MRRF: variants seen among roughly 807,000 people sequenced by gnomAD.
MRRF encodes ribosome-recycling factor, mitochondrial.
A neutral mutation model predicts 25.1 loss-of-function variants in MRRF; 18 were observed. The ratio of observed to expected loss-of-function variants is 0.72; its 90% CI spans 0.50 to 1.06. The LOEUF (loss-of-function observed/expected upper bound fraction) is 1.06, where lower values mean the gene tolerates loss of function less well. MRRF is among the 50% of genes least tolerant of loss of function. The pLI, the probability that MRRF is intolerant of heterozygous loss-of-function variation, is 0.00. For synonymous variants in MRRF, 113 were observed against 112.1 expected (o/e 1.01, Z -0.05); for missense variants, 323 against 319.3 (o/e 1.01, Z -0.09).
At chr9:122,307,005 A>G (rs935466337) in intron 5 of MRRF, among the ~76,000 whole-genome samples, 14 of 152,194 alleles carry the variant, frequency 9.2e-5, no homozygotes, top group African/African-American at 2.4e-4. Context: ...CTAAAGGGAC[A>G]CCTACAGAAG....
At chr9:122,287,301 A>G (rs919704936) in intron 4 of MRRF, among the ~76,000 whole-genome samples, 3 of 152,246 alleles carry the variant, frequency 2.0e-5, no homozygotes, top group African/African-American at 7.2e-5. Context: ...TGCCTGGCAC[A>G]TGGCACCATT....
intron 2 of MRRF, among the ~76,000 whole-genome samples, chr9:122,278,941 C>T (rs967996451): frequency 6.6e-6 from 1 of 151,796 alleles, no homozygotes; most frequent in East Asian, 1.9e-4. Context: ...GCACTGATCT[C>T]GGCTCACTGC....
At chr9:122,284,768 A>G (rs143050655) in intron 3 of MRRF, among the ~76,000 whole-genome samples, 1 of 152,108 alleles carries the variant, frequency 6.6e-6, no homozygotes, top group Non-Finnish European at 1.5e-5. Context: ...AAGAATCCCT[A>G]AATGTTTGTT....
chr9:122,283,213 C>T (rs543508601), intron 3 of MRRF, among the ~76,000 whole-genome samples: 1 of 151,944 alleles, frequency 6.6e-6, no homozygotes, highest in South Asian at 2.1e-4. Flanking sequence ...CCTGCCTCAG[C>T]CTCCCAACTA....
At chr9:122,311,686 AT>A (rs933069541) in intron 5 of MRRF, among the ~76,000 whole-genome samples, 1 of 151,956 alleles carries the variant, frequency 6.6e-6, no homozygotes, top group Non-Finnish European at 1.5e-5. Context: ...TGATCAGATA[AT>A]TTTTTTTCTT....
intron 2 of MRRF, among the ~76,000 whole-genome samples, chr9:122,279,552 TTTA>T (rs1319663575): frequency 1.3e-5 from 2 of 152,330 alleles, no homozygotes; most frequent in Non-Finnish European, 2.9e-5. Context: ...TGTTTAAAAT[TTTA>T]TTGTTTTTCT....
intron 5 of MRRF, among the ~76,000 whole-genome samples, chr9:122,295,102 C>T (rs1000839339): frequency 6.6e-6 from 1 of 152,150 alleles, no homozygotes; most frequent in African/African-American, 2.4e-5. Flanking sequence ...CTGTCTCTGC[C>T]TCTGTGAATC....
chr9:122,324,593 T>C lies in MRRF; in HGVS notation c.*1976T>C, dbSNP rs1463936742. The C allele has an allele frequency of 3.9e-5, 6 of 152,228 alleles. No individual in the cohort carries two copies. The highest frequency in any genetic ancestry group is 8.8e-5 in the Non-Finnish European group (6 of 68,046). 9.4% of individuals were successfully genotyped at this position (152,228 alleles called of 1,614,324 possible). On this transcript the variant is annotated 3_prime_UTR_variant, in exon 7 of 7. Transcript: ENST00000344641. ...AACTAAATTGCTGTCTATAATAATC[T>C]ATTGGGTGGAAAAGTAGGAAGTTCA... is the stretch of plus-strand genomic sequence containing the variant.
chr9:122,285,247 C>T lies in MRRF; in HGVS notation c.419C>T (p.Ser140Leu), dbSNP rs757960281. Reference protein sequence around the residue: ...LNQISQISMKSPQLILVNMAS... With the variant: ...LNQISQISMKLPQLILVNMAS... Reference sequence around the variant, plus strand: ...CAGATTAGCCAGATCTCCATGAAGTCGCCACAGCTGATTTTGGTGAATATG... The same window carrying T: ...CAGATTAGCCAGATCTCCATGAAGTTGCCACAGCTGATTTTGGTGAATATG... Residue 140 changes from serine to leucine, a missense_variant, in exon 4 of 7, where the codon TCG (serine) becomes TTG (leucine). Transcript: ENST00000344641. 6 of 1,613,806 alleles carry T rather than the reference C, an allele frequency of 3.7e-6. No homozygotes were observed. Among genetic ancestry groups the T allele is most frequent in the African/African-American group, 2.7e-5 (2 of 75,008 alleles).
rs796253653 is a variant in MRRF at position 122,295,448 on chromosome 9, CT to C, written c.551+3623del. On this transcript the variant is annotated intron_variant, in intron 5 of 6. Coordinates refer to ENST00000344641, the MANE Select transcript of MRRF (RefSeq NM_138777.5). The stretch of plus-strand genomic sequence containing the variant: ...AGCATACATTCTTAAGATCAGTTTC[CT>C]TTTTTTTTTTTTTTGAGATGGAGTC... Among the ~76,000 whole-genome samples, 1,115 of 138,098 alleles carry C rather than the reference CT, an allele frequency of 8.1e-3. 6 individuals are homozygous for C. Among genetic ancestry groups the C allele is most frequent in the African/African-American group, 0.02 (775 of 37,886 alleles). 90.6% of individuals were successfully genotyped at this position (138,098 alleles called of 152,430 possible).
chr9:122,307,649 A>G (rs1313127492), intron 5 of MRRF, among the ~76,000 whole-genome samples: 4 of 151,776 alleles, frequency 2.6e-5, no homozygotes, highest in Non-Finnish European at 4.4e-5. Context: ...CCTCCCTTCC[A>G]CCCTCTTTGT....
In MRRF at chr9:122,328,942, G is replaced by A. The variant is rs1009307807; in HGVS notation, c.*6325G>A. The A allele has an allele frequency of 6.6e-6, 1 of 152,110 alleles. No individual in the cohort carries two copies. The highest frequency in any genetic ancestry group is 2.4e-5 in the African/African-American group (1 of 41,414). The allele number at this position is 152,110 out of a possible 1,614,324, so 9.4% of individuals were successfully genotyped here. A position where few individuals can be genotyped will look rare whatever the true frequency, so the allele number is the denominator to read the frequency against. Reference sequence around the variant, plus strand: ...GGGTTCAAGTGATCCTGGAACTGCAGATATGCACAGCTGTGCCCGAAGATC... The same window carrying A: ...GGGTTCAAGTGATCCTGGAACTGCAAATATGCACAGCTGTGCCCGAAGATC... On this transcript the variant is annotated 3_prime_UTR_variant, in exon 7 of 7. Transcript: ENST00000344641.
intron 4 of MRRF, chr9:122,286,068 A>G (rs1407810257): frequency 7.8e-7 from 1 of 1,286,500 alleles, no homozygotes; most frequent in East Asian, 5.6e-5. Flanking sequence ...GTCTTAGAGT[A>G]CCTGGAATCC....
intron 5 of MRRF, 104 bp downstream of exon 5, chr9:122,291,944 A>C: frequency 1.2e-6 from 1 of 821,260 alleles, no homozygotes; most frequent in Non-Finnish European, 2.2e-6. Flanking sequence ...AACATACCTT[A>C]CCTGTACCTT....
At chr9:122,290,826 G>A (rs1355044829) in intron 4 of MRRF, among the ~76,000 whole-genome samples, 2 of 152,174 alleles carry the variant, frequency 1.3e-5, no homozygotes, top group African/African-American at 4.8e-5. Context: ...TGGGAAATGG[G>A]TGTGCCAGTG....
chr9:122,293,759 C>T (rs150044650), intron 5 of MRRF, among the ~76,000 whole-genome samples: 3 of 152,116 alleles, frequency 2.0e-5, no homozygotes, highest in East Asian at 1.9e-4. Flanking sequence ...GATGTATAGA[C>T]GTGATGTATG....
At position 122,322,810 on chromosome 9, in the gene MRRF, C is replaced by T; in HGVS notation, c.*193C>T. 1.5e-6 allele frequency: 1 copy of T among 650,904 alleles called. No individual in the cohort carries two copies. Among genetic ancestry groups the T allele is most frequent in the Non-Finnish European group, 2.8e-6 (1 of 361,042 alleles). The allele number at this position is 650,904 out of a possible 1,614,324, so 40.3% of individuals were successfully genotyped here. On this transcript the variant is annotated 3_prime_UTR_variant, in exon 7 of 7. Transcript: ENST00000344641. ...ATTCTCTTCCTGCTTCTGCTCTGGGCCGGTGGGTGGCTCTCAGAAAATACT... is the reference window on the plus strand; with the variant it reads ...ATTCTCTTCCTGCTTCTGCTCTGGGTCGGTGGGTGGCTCTCAGAAAATACT...
intron 5 of MRRF, among the ~76,000 whole-genome samples, chr9:122,294,473 G>T (rs555636042): frequency 6.6e-6 from 1 of 152,304 alleles, no homozygotes; most frequent in African/African-American, 2.4e-5. Flanking sequence ...CCAAGAGAAA[G>T]TTGATGGACC....
At chr9:122,318,934 G>A (rs1259109755) in intron 6 of MRRF, among the ~76,000 whole-genome samples, 2 of 152,028 alleles carry the variant, frequency 1.3e-5, no homozygotes, top group East Asian at 1.9e-4. Flanking sequence ...GTAATTGTTC[G>A]CCCTGTTTCT....
Sources: gnomAD v4.1 joint callset for allele counts (sites outside exome capture counted in the v4.1 genomes callset) on GRCh38, gnomAD v4.1.1 for gene constraint, MANE v1.5 for transcripts, NCBI Gene and HGNC (gene_info 2026-07-23, HGNC 2026-07-21) for gene names.